MASP2: variants seen among roughly 807,000 people sequenced by gnomAD.
MASP2 encodes the protein MBL associated serine protease 2, also known as mannan-binding lectin serine protease 2.
MASP2 carries 49 observed loss-of-function variants against 57.1 expected under a neutral mutation model. That is an observed-to-expected ratio of 0.86 (90% CI 0.68 to 1.09). MASP2 has a LOEUF of 1.09. MASP2 is among the 50% of genes least tolerant of loss of function. The pLI is 0.00. For missense variants in MASP2, 900 were observed against 874.8 expected (o/e 1.03, Z -0.36); for synonymous variants, 379 against 340.8 (o/e 1.11, Z -1.24).
At position 11,027,001 on chromosome 1, in the gene MASP2, C is replaced by G. The variant is rs749173989; in HGVS notation, c.1945G>C (p.Val649Leu). Residue 649 changes from valine to leucine, a missense_variant, in exon 11 of 11, where the codon GTG becomes CTG. Transcript: ENST00000400897. ...GAACCCCAGGACACTATTCCTCCCA[C>G]AAACCACCTCTCTGTTTCACTATCT... ...FLDSETERWFVGGIVSWGSMN... is the reference protein window; with the variant it reads ...FLDSETERWFLGGIVSWGSMN... The G allele has an allele frequency of 2.5e-6, 4 of 1,598,254 alleles. No individual in the cohort carries two copies. The Admixed American group carries it at 7.0e-5, about 28-fold the overall frequency.
Position 11,046,615 on chromosome 1 carries a change from C to T in MASP2, c.353G>A (p.Arg118His), listed in dbSNP as rs748848129. 40 of 1,613,628 alleles carry T rather than the reference C, an allele frequency of 2.5e-5. No homozygotes were observed. Among genetic ancestry groups the T allele is most frequent in the African/African-American group, 9.3e-5 (7 of 74,944 alleles). The change falls in exon 3 of 11, where the codon CGC becomes CAC. Residue 118 changes from arginine to histidine, a missense_variant. Transcript: ENST00000400897. Reference sequence around the variant, plus strand: ...CGGCTTCTCGTTGGAGTAGTCGGAGCGGAAGGTAATGTCCAGGCTGGAGCC... The same window carrying T: ...CGGCTTCTCGTTGGAGTAGTCGGAGTGGAAGGTAATGTCCAGGCTGGAGCC... ...SLGSSLDITF[R>H]SDYSNEKPFT...
intron 10 of MASP2, chr1:11,029,563 CAT>C (rs1466088696): frequency 2.0e-5 from 3 of 146,600 alleles, no homozygotes; most frequent in Non-Finnish European, 3.0e-5. Context: ...AGCATTTTAA[CAT>C]AGAATAGTAA....
Position 11,030,790 on chromosome 1 carries a change from A to G in MASP2, c.1180T>C (p.Tyr394His), listed in dbSNP as rs761467236. The change falls in exon 9 of 11, where the codon TAC (tyrosine) becomes CAC (histidine). Residue 394 changes from tyrosine (Y) to histidine (H), a missense_variant. Coordinates refer to ENST00000400897, the MANE Select transcript of MASP2 (RefSeq NM_006610.4). ...GVTTYKAVIQ[Y>H]SCEETFYTMK... is the part of the protein sequence containing the mutation. ...GTGTAGAAGGTCTCTTCACAGCTGT[A>G]CTGAATCACAGCTTTGTAGGTGGTC... is the stretch of plus-strand genomic sequence containing the variant. The G allele has an allele frequency of 1.3e-5, 21 of 1,613,632 alleles. No individual in the cohort carries two copies. The highest frequency in any genetic ancestry group is 5.5e-5 in the South Asian group (5 of 91,062).
Position 11,033,926 on chromosome 1 carries a change from GAC to G in MASP2, c.1087+900_1087+901del, listed in dbSNP as rs762078074. On this transcript the variant is annotated intron_variant, in intron 8 of 10. Transcript: ENST00000400897. ...AGCCTGGGTGACAGAGTGAGACTCC[GAC>G]ACACACACACACACACACACACACA... 4.9e-3 allele frequency among the ~76,000 whole-genome samples: 688 copies of G among 140,096 alleles called. 5 individuals carry two copies. The highest frequency in any genetic ancestry group is 0.014 in the African/African-American group (508 of 36,568). 91.9% of individuals were successfully genotyped at this position (140,096 alleles called of 152,430 possible). A position where few individuals can be genotyped will look rare whatever the true frequency, so the allele number is the denominator to read the frequency against.
rs1292155835 is a variant in MASP2 at position 11,046,745 on chromosome 1, G to A, written c.235-12C>T. Reference sequence around the variant, plus strand: ...GCCCCCGAGCTCAGCTGTGGGGTCAGGTGTCACAGGGAGTGAAGGCAAGAC... The same window carrying A: ...GCCCCCGAGCTCAGCTGTGGGGTCAAGTGTCACAGGGAGTGAAGGCAAGAC... On this transcript the variant is annotated splice_polypyrimidine_tract_variant and intron_variant, in intron 2 of 10. Coordinates refer to ENST00000400897, the MANE Select transcript of MASP2 (RefSeq NM_006610.4). 6.2e-7 allele frequency: 1 copy of A among 1,608,766 alleles called. No homozygotes were observed. The highest frequency in any genetic ancestry group is 1.7e-5 in the Admixed American group (1 of 59,734).
chr1:11,045,628 A>AG, intron 3 of MASP2, 89 bp from the exon 4 acceptor site: 1 of 1,430,848 alleles, frequency 7.0e-7, no homozygotes, highest in Non-Finnish European at 9.4e-7. Context: ...ATGACCTCAG[A>AG]GTGGACCTCA....
intron 8 of MASP2, among the ~76,000 whole-genome samples, 183 bp from the exon 9 acceptor site, chr1:11,031,065 G>T (rs1387073744): frequency 6.6e-6 from 1 of 151,936 alleles, no homozygotes; most frequent in Non-Finnish European, 1.5e-5. Context: ...CGAGCATGGT[G>T]GCACGTGCCT....
At position 11,027,279 on chromosome 1, in the gene MASP2, T is replaced by C. The variant is rs1490234646; in HGVS notation, c.1667A>G (p.Lys556Arg). The C allele has an allele frequency of 1.2e-6, 2 of 1,614,026 alleles. No individual in the cohort carries two copies. Among genetic ancestry groups the C allele is most frequent in the Admixed American group, 1.7e-5 (1 of 59,988 alleles). Residue 556 changes from lysine to arginine, a missense_variant, in exon 11 of 11, where the codon AAA (lysine) becomes AGA (arginine). Lys to Arg is a conservative substitution (Grantham distance 26, BLOSUM62 2). Coordinates refer to ENST00000400897, the MANE Select transcript of MASP2 (RefSeq NM_006610.4). ...TGTCCTCATAAAGGATTCAGCTTCT[T>C]TTCTTGGCAGACAAATAGGCGTGAT... ...SNITPICLPR[K>R]EAESFMRTDD...
intron 4 of MASP2, chr1:11,044,955 TGGAAGAGAGATCA>T: frequency 6.2e-7 from 1 of 1,609,950 alleles, no homozygotes; most frequent in Non-Finnish European, 8.5e-7. Flanking sequence ...GGCTCTGCTC[TGGAAGAGAGATCA>T]GAGAGGCAAG....
Position 11,026,726 on chromosome 1 carries a change from G to T in MASP2, c.*159C>A. On this transcript the variant is annotated 3_prime_UTR_variant, in exon 11 of 11. Transcript: ENST00000400897. ...GGTAAGGCTGGAATTAAACTGGCAA[G>T]TGGAGAAATGACAGCAGCCTCACCT... 2.0e-6 allele frequency: 1 copy of T among 512,676 alleles called. No homozygotes were observed. The highest frequency in any genetic ancestry group is 3.2e-6 in the Non-Finnish European group (1 of 309,028). The allele number at this position is 512,676 out of a possible 1,614,324, so 31.8% of individuals were successfully genotyped here. A position where few individuals can be genotyped will look rare whatever the true frequency, so the allele number is the denominator to read the frequency against.
chr1:11,040,697 AGATGGATGGATG>A (rs766563381), intron 6 of MASP2, among the ~76,000 whole-genome samples: 4 of 150,364 alleles, frequency 2.7e-5, no homozygotes, highest in Admixed American at 2.7e-4. Context: ...ACAGCTGGAA[AGATGGATGGATG>A]GATGGATGGA....
chr1:11,043,921 CG>C (rs1012076781), intron 4 of MASP2, among the ~76,000 whole-genome samples: 10 of 137,568 alleles, frequency 7.3e-5, no homozygotes, highest in Non-Finnish European at 6.5e-5. Flanking sequence ...GGGCGGGGGG[CG>C]GGGGTGGATG....
At chr1:11,041,433 T>TGGATGGATGGAC (rs1433621764) in intron 6 of MASP2, among the ~76,000 whole-genome samples, 2 of 127,946 alleles carry the variant, frequency 1.6e-5, no homozygotes, top group Non-Finnish European at 3.4e-5. Context: ...GATGGATGGA[T>TGGATGGATGGAC]GGATTGGTAG....
At position 11,027,416 on chromosome 1, in the gene MASP2, T is replaced by G. The variant is rs1643756226; in HGVS notation, c.1530A>C (p.Thr510=). 6.2e-7 allele frequency: 1 copy of G among 1,614,096 alleles called. No individual in the cohort carries two copies. The highest frequency in any genetic ancestry group is 1.1e-5 in the South Asian group (1 of 91,088). Residue 510 remains threonine, a synonymous_variant, in exon 11 of 11, where the codon ACA becomes ACC. Coordinates refer to ENST00000400897, the MANE Select transcript of MASP2 (RefSeq NM_006610.4). ...GTLKRLSPHY[T]QAWSEAVFIH... is the part of the protein sequence containing the mutation. ...TAAAAACAGCTTCAGACCAGGCTTG[T>G]GTATAATGAGGTGATAGTCTTTTCA... is the stretch of plus-strand genomic sequence containing the variant.
intron 6 of MASP2, among the ~76,000 whole-genome samples, chr1:11,042,298 A>G (rs1638483382): frequency 6.9e-6 from 1 of 145,426 alleles, no homozygotes; most frequent in Admixed American, 6.8e-5. Context: ...ATGGGTGGGT[A>G]GAAGGATAGG....
chr1:11,041,307 G>A (rs186338723), intron 6 of MASP2, among the ~76,000 whole-genome samples: 268 of 151,398 alleles, frequency 1.8e-3, no homozygotes, highest in Non-Finnish European at 2.8e-3. Context: ...ATGGATGGAT[G>A]GATAAATGGA....
rs758215988 is a variant in MASP2 at position 11,027,348 on chromosome 1, A to G, written c.1598T>C (p.Ile533Thr). 5.6e-6 allele frequency: 9 copies of G among 1,614,154 alleles called. No homozygotes were observed. In the South Asian group the frequency reaches 6.6e-5, roughly 12 times the overall value. The change falls in exon 11 of 11, where the codon ATA (isoleucine) becomes ACA (threonine). Residue 533 changes from isoleucine (I) to threonine (T), a missense_variant. Transcript: ENST00000400897. ...TTTGTTATTCAATTTAATCAGTGCT[A>G]TGTCATTGTCAAAGCCAGCATCATG... Reference protein sequence around the residue: ...YTHDAGFDNDIALIKLNNKVV... With the variant: ...YTHDAGFDNDTALIKLNNKVV...
At chr1:11,028,697 GTTTTTTTTCTTTTTTTTTTTTTTT>G (rs1164342626) in intron 10 of MASP2, among the ~76,000 whole-genome samples, 2 of 36,178 alleles carry the variant, frequency 5.5e-5, no homozygotes, top group Non-Finnish European at 1.1e-4. Flanking sequence ...ATCTTTCTGG[GTTTTTTTTCTTTTTTTTTTTTTTT>G]TTTTTTTTTT....
chr1:11,031,030 C>T, intron 8 of MASP2, 148 bp from the exon 9 acceptor site: 1 of 724,034 alleles, frequency 1.4e-6, no homozygotes, highest in East Asian at 2.9e-5. Context: ...TGGCAAGACC[C>T]CCTCTCTACG....
Sources: allele counts gnomAD v4.1 joint callset (sites outside exome capture counted in the v4.1 genomes callset), GRCh38; gene constraint gnomAD v4.1.1; transcripts MANE v1.5; gene names NCBI Gene and HGNC (gene_info 2026-07-23, HGNC 2026-07-21).